Variants in PLCL1 observed in about 807,000 individuals in gnomAD.
PLCL1 encodes phospholipase C like 1 (inactive).
A neutral mutation model predicts 84.4 loss-of-function variants in PLCL1; 41 were observed. That is an observed-to-expected ratio of 0.49 (90% CI 0.38 to 0.63). The LOEUF (loss-of-function observed/expected upper bound fraction) is 0.63. PLCL1 is among the 30% of genes least tolerant of loss of function. The probability of loss-of-function intolerance (pLI) is 0.00; values close to 1 mark genes in which losing one functional copy is unlikely to be tolerated. For missense variants in PLCL1, 1,206 were observed against 1,367.8 expected, an observed-to-expected ratio of 0.88 and a Z score of 1.87; for synonymous variants, 490 against 488.3, an observed-to-expected ratio of 1.00 and a Z score of -0.05.
intron 1 of PLCL1, among the ~76,000 whole-genome samples, chr2:197,847,965 T>C (rs975873000): frequency 1.3e-5 from 2 of 152,198 alleles, no homozygotes; most frequent in East Asian, 1.9e-4. Context: ...ATTTAAGATG[T>C]GTTTTCCTAT....
At chr2:198,070,887 G>GT (rs1277389181) in intron 1 of PLCL1, 2 of 152,800 alleles carry the variant, frequency 1.3e-5, no homozygotes, top group African/African-American at 4.8e-5. Context: ...TCTTTAATAT[G>GT]TTTTCTCATA....
At chr2:198,000,152 T>C (rs1444636845) in intron 1 of PLCL1, among the ~76,000 whole-genome samples, 1 of 152,186 alleles carries the variant, frequency 6.6e-6, no homozygotes, top group Non-Finnish European at 1.5e-5. Flanking sequence ...AGAAAGATGA[T>C]GCCAGGGTAG....
intron 1 of PLCL1, among the ~76,000 whole-genome samples, chr2:198,040,253 T>C (rs1254764497): frequency 6.6e-6 from 1 of 152,126 alleles, no homozygotes; most frequent in African/African-American, 2.4e-5. Context: ...CCGTGGACAT[T>C]AGTGCATTTG....
chr2:198,063,709 A>G (rs1050742481), intron 1 of PLCL1, among the ~76,000 whole-genome samples: 13 of 152,234 alleles, frequency 8.5e-5, no homozygotes, highest in African/African-American at 2.9e-4. Context: ...GTTTTCTAAG[A>G]AAGAAACATA....
At position 197,909,765 on chromosome 2, in the gene PLCL1, G is replaced by A. The variant is rs1042922314; in HGVS notation, c.240+104426G>A. On this transcript the variant is annotated intron_variant, in intron 1 of 5. Transcript: ENST00000428675. ...GCAGTCGGCTTATAAAGTTTATGCTGTCTGCCCTTTGATAAGGGTCATAGG... is the reference window on the plus strand; with the variant it reads ...GCAGTCGGCTTATAAAGTTTATGCTATCTGCCCTTTGATAAGGGTCATAGG... Among the ~76,000 whole-genome samples, 5 of 152,178 alleles carry A rather than the reference G, an allele frequency of 3.3e-5. No homozygotes were observed. In the South Asian group the frequency reaches 8.3e-4, roughly 25 times the overall value.
rs747393124 is a variant in PLCL1 at position 198,084,726 on chromosome 2, A to G, written c.1209A>G (p.Pro403=). 5 of 1,613,970 alleles carry G rather than the reference A, an allele frequency of 3.1e-6. No homozygotes were observed. In the East Asian group the frequency reaches 6.7e-5, roughly 22 times the overall value. The change falls in exon 2 of 6, where the codon CCA becomes CCG. Residue 403 remains proline (P), a synonymous_variant. Transcript: ENST00000428675. ...AGGTTGCCCAAGATATGACCCAGCC[A>G]TTATCTCACTACTATATCAATGCCT... ...QKKVAQDMTQ[P]LSHYYINASH...
At chr2:197,909,326 CTCTTT>C (rs1280353619) in intron 1 of PLCL1, among the ~76,000 whole-genome samples, 2 of 151,246 alleles carry the variant, frequency 1.3e-5, no homozygotes, top group East Asian at 3.9e-4. Flanking sequence ...TTTTCTTTTT[CTCTTT>C]TTTTTTTTCC....
chr2:197,862,772 G>A (rs917151926), intron 1 of PLCL1, among the ~76,000 whole-genome samples: 1 of 152,116 alleles, frequency 6.6e-6, no homozygotes, highest in Non-Finnish European at 1.5e-5. Flanking sequence ...TGAGTCATGT[G>A]TCTGTCCAAC....
chr2:197,953,901 G>GAC (rs1382599083), intron 1 of PLCL1, among the ~76,000 whole-genome samples: 1 of 150,450 alleles, frequency 6.6e-6, no homozygotes. Context: ...TTCCTGAGTA[G>GAC]TCACCAATGC....
chr2:198,004,425 T>C (rs1373829648), intron 1 of PLCL1, among the ~76,000 whole-genome samples: 1 of 152,180 alleles, frequency 6.6e-6, no homozygotes, highest in South Asian at 2.1e-4. Context: ...TGAATATCTT[T>C]ATTGCATTGA....
chr2:198,066,077 A>G (rs969744872), intron 1 of PLCL1, among the ~76,000 whole-genome samples: 2 of 152,188 alleles, frequency 1.3e-5, no homozygotes, highest in African/African-American at 4.8e-5. Context: ...TACCAATACC[A>G]CTATTTTCCC....
intron 1 of PLCL1, among the ~76,000 whole-genome samples, chr2:197,903,005 A>G (rs933017231): frequency 1.3e-5 from 2 of 152,190 alleles, no homozygotes; most frequent in African/African-American, 4.8e-5. Context: ...GGGGCATTTA[A>G]CCTAAACAAA....
At chr2:197,845,824 A>G (rs1054589599) in intron 1 of PLCL1, among the ~76,000 whole-genome samples, 3 of 152,170 alleles carry the variant, frequency 2.0e-5, no homozygotes, top group African/African-American at 7.2e-5. Flanking sequence ...GTTAATAACT[A>G]CATACATCCT....
chr2:197,989,798 C>T lies in PLCL1; in HGVS notation c.241-93960C>T, dbSNP rs116195150. ...TGTAAAATGCCTTTGTGAATAGCTGCGATTTAGAAAACAGCTTGCTCAGGA... is the reference window on the plus strand; with the variant it reads ...TGTAAAATGCCTTTGTGAATAGCTGTGATTTAGAAAACAGCTTGCTCAGGA... On this transcript the variant is annotated intron_variant, in intron 1 of 5. Transcript: ENST00000428675. Among the ~76,000 whole-genome samples the T allele has an allele frequency of 4.5e-3, 690 of 152,184 alleles. 5 individuals carry two copies. The highest frequency in any genetic ancestry group is 0.016 in the African/African-American group (658 of 41,508).
At chr2:197,820,072 C>A (rs969314006) in intron 1 of PLCL1, among the ~76,000 whole-genome samples, 2 of 151,942 alleles carry the variant, frequency 1.3e-5, no homozygotes, top group Admixed American at 6.6e-5. Context: ...GGTAGTTAAA[C>A]CCTGGATTGT....
rs770659 is a variant in PLCL1, at chr2:197,805,030, G to C, written c.-70G>C. On this transcript the variant is annotated 5_prime_UTR_variant, in exon 1 of 6. Transcript: ENST00000428675. The surrounding 1 kb of genome is among the most constrained non-coding windows in gnomAD (Gnocchi z 4.0). ...CCGCCTCCCGGTGCAGGAGCGCACC[G>C]GTGCCTAGCGGCTGGACTCCGCTGC... 957,126 of 1,405,672 alleles carry C rather than the reference G, an allele frequency of 0.68. 329,290 individuals carry two copies. Among genetic ancestry groups the C allele is most frequent in the African/African-American group, 0.91 (60,525 of 66,490 alleles). 87.1% of individuals were successfully genotyped at this position (1,405,672 alleles called of 1,614,324 possible).
At chr2:198,099,165 C>G (rs1456973921) in intron 3 of PLCL1, among the ~76,000 whole-genome samples, 2 of 152,114 alleles carry the variant, frequency 1.3e-5, no homozygotes, top group African/African-American at 2.4e-5. Context: ...ATCAACCCAG[C>G]CGTCATGGCT....
intron 1 of PLCL1, among the ~76,000 whole-genome samples, chr2:198,075,167 G>A (rs1395340249): frequency 6.6e-6 from 1 of 152,148 alleles, no homozygotes; most frequent in Non-Finnish European, 1.5e-5. Flanking sequence ...GGATTCCTGG[G>A]CCCTGCTGTG....
At chr2:198,037,160 T>G (rs1691568997) in intron 1 of PLCL1, among the ~76,000 whole-genome samples, 2 of 152,208 alleles carry the variant, frequency 1.3e-5, no homozygotes. Flanking sequence ...TTCTTCATAT[T>G]AATAAGCCAC....
Sources: allele counts gnomAD v4.1 joint callset (sites outside exome capture counted in the v4.1 genomes callset), GRCh38; gene constraint gnomAD v4.1.1; non-coding constraint Gnocchi (gnomAD v3.1); transcripts MANE v1.5; gene names NCBI Gene and HGNC (gene_info 2026-07-23, HGNC 2026-07-21).